The following LRRC4C variants were observed in gnomAD, a reference collection of about 807,000 sequenced individuals.
LRRC4C encodes the protein leucine rich repeat containing 4C, also known as leucine-rich repeat-containing protein 4C.
In LRRC4C, 5 loss-of-function variants were observed where a neutral mutation model predicts 33.6. The observed-to-expected ratio is 0.15, with a 90% CI of 0.08 to 0.31. The LOEUF is 0.31. Among genes scored for constraint, LRRC4C ranks in the 10% least tolerant of loss-of-function variants. The pLI, the probability that LRRC4C is intolerant of heterozygous loss-of-function variation, is 1.00. For synonymous variants in LRRC4C, 329 were observed against 302.0 expected, an observed-to-expected ratio of 1.09 and a Z score of -0.93; for missense variants, 560 against 796.7, an observed-to-expected ratio of 0.70 and a Z score of 3.58.
In LRRC4C at chr11:40,152,173, C is replaced by T. The variant is rs185464403; in HGVS notation, c.-95-11320G>A. Among the ~76,000 whole-genome samples the T allele has an allele frequency of 3.7e-4, 57 of 152,312 alleles. No homozygotes were observed. In the South Asian group the frequency reaches 4.8e-3, roughly 13 times the overall value. The stretch of plus-strand genomic sequence containing the variant: ...GGAAGGGGAGACCCTCCTCTCCAAA[C>T]GCACACCCCCGCTGGAGAAGCTGAA... On this transcript the variant is annotated intron_variant, in intron 5 of 6. Transcript: ENST00000528697.
chr11:40,462,596 G>T (rs564190775), intron 3 of LRRC4C, among the ~76,000 whole-genome samples: 9 of 151,978 alleles, frequency 5.9e-5, no homozygotes, highest in African/African-American at 2.2e-4. Flanking sequence ...CCTTATGAAG[G>T]GTGGTGAGAA....
intron 3 of LRRC4C, among the ~76,000 whole-genome samples, chr11:40,458,063 G>A (rs1160815748): frequency 1.3e-5 from 2 of 152,116 alleles, no homozygotes; most frequent in African/African-American, 4.8e-5. Flanking sequence ...ATATTTAAAT[G>A]GCAGAGAATG....
rs180921873 is a variant in LRRC4C, at chr11:40,444,571, C to T, written c.-269-124850G>A. 3.5e-4 allele frequency among the ~76,000 whole-genome samples: 53 copies of T among 151,876 alleles called. 2 individuals carry two copies. Among genetic ancestry groups the T allele is most frequent in the African/African-American group, 1.2e-3 (49 of 41,464 alleles). Reference sequence around the variant, plus strand: ...AACAAAATCATATTTAAAAAGAATGCCTCTATACAATCTTTTATTTGCCTA... The same window carrying T: ...AACAAAATCATATTTAAAAAGAATGTCTCTATACAATCTTTTATTTGCCTA... On this transcript the variant is annotated intron_variant, in intron 3 of 6. Transcript: ENST00000528697.
chr11:40,572,032 A>G (rs1407755969), intron 3 of LRRC4C, among the ~76,000 whole-genome samples: 7 of 152,280 alleles, frequency 4.6e-5, no homozygotes, highest in African/African-American at 1.7e-4. Context: ...TTCCTTCCTT[A>G]TAGTCCACCA....
chr11:40,624,687 C>A (rs1402053106), intron 3 of LRRC4C, among the ~76,000 whole-genome samples: 1 of 152,120 alleles, frequency 6.6e-6, no homozygotes, highest in Non-Finnish European at 1.5e-5. Flanking sequence ...TGTCTTACAA[C>A]AAGTTATGTA....
intron 3 of LRRC4C, among the ~76,000 whole-genome samples, chr11:40,338,370 T>C (rs1946721869): frequency 6.6e-6 from 1 of 152,222 alleles, no homozygotes; most frequent in Admixed American, 6.5e-5. Context: ...CTTTTATGCA[T>C]ATGACTCTCC....
intron 1 of LRRC4C, among the ~76,000 whole-genome samples, chr11:41,353,247 G>T (rs1433800414): frequency 6.6e-6 from 1 of 151,990 alleles, no homozygotes; most frequent in Non-Finnish European, 1.5e-5. Context: ...ACACCACTGT[G>T]CACACAAACT....
At chr11:41,110,520 A>G (rs1433256152) in intron 1 of LRRC4C, among the ~76,000 whole-genome samples, 1 of 152,124 alleles carries the variant, frequency 6.6e-6, no homozygotes, top group African/African-American at 2.4e-5. Context: ...CTAGATGTCA[A>G]GCTAAATGTT....
chr11:40,886,406 TACACACAC>T (rs10629266), intron 2 of LRRC4C, among the ~76,000 whole-genome samples: 3 of 145,450 alleles, frequency 2.1e-5, no homozygotes, highest in African/African-American at 5.0e-5. Context: ...TTTCAAATGC[TACACACAC>T]ACACACACAC....
intron 4 of LRRC4C, among the ~76,000 whole-genome samples, chr11:40,307,167 C>T (rs978892071): frequency 6.6e-6 from 1 of 152,024 alleles, no homozygotes; most frequent in Non-Finnish European, 1.5e-5. Context: ...CTCCTCACCC[C>T]CCATTATGAC....
chr11:40,626,793 C>A (rs1325909758), intron 3 of LRRC4C, among the ~76,000 whole-genome samples: 1 of 152,166 alleles, frequency 6.6e-6, no homozygotes, highest in Non-Finnish European at 1.5e-5. Flanking sequence ...AATTTTGGAT[C>A]ACTTTCCATC....
intron 2 of LRRC4C, among the ~76,000 whole-genome samples, chr11:40,806,139 C>T (rs989300853): frequency 2.0e-5 from 3 of 152,172 alleles, no homozygotes; most frequent in African/African-American, 4.8e-5. Flanking sequence ...TTATCTAATG[C>T]TGTGTGACAA....
chr11:40,736,114 TCAAG>T (rs2136848175), intron 2 of LRRC4C, among the ~76,000 whole-genome samples: 1 of 152,148 alleles, frequency 6.6e-6, no homozygotes, highest in African/African-American at 2.4e-5. Flanking sequence ...TCTGTACCCA[TCAAG>T]CAGTCATTTA....
At chr11:41,151,047 C>A (rs929857505) in intron 1 of LRRC4C, among the ~76,000 whole-genome samples, 1 of 151,972 alleles carries the variant, frequency 6.6e-6, no homozygotes, top group Non-Finnish European at 1.5e-5. Context: ...CACACACACA[C>A]AGCAAATACA....
intron 5 of LRRC4C, among the ~76,000 whole-genome samples, chr11:40,203,803 G>A (rs559432631): frequency 7.2e-5 from 11 of 152,306 alleles, no homozygotes. Context: ...CAATGTGGAA[G>A]CACTGACTGG....
chr11:40,868,172 G>A (rs554033693), intron 2 of LRRC4C, among the ~76,000 whole-genome samples: 6 of 152,204 alleles, frequency 3.9e-5, no homozygotes, highest in African/African-American at 1.4e-4. Flanking sequence ...GAATGGCTGG[G>A]GGATGCTTGT....
intron 3 of LRRC4C, among the ~76,000 whole-genome samples, chr11:40,370,803 G>C (rs940638891): frequency 1.3e-5 from 2 of 152,064 alleles, no homozygotes; most frequent in Admixed American, 1.3e-4. Context: ...ATGAAAAATT[G>C]TTTCCAAAAT....
At chr11:40,379,511 C>G (rs1363531469) in intron 3 of LRRC4C, among the ~76,000 whole-genome samples, 1 of 152,134 alleles carries the variant, frequency 6.6e-6, no homozygotes, top group Admixed American at 6.5e-5. Flanking sequence ...AGACAGAAAG[C>G]TGAAATTACT....
intron 3 of LRRC4C, among the ~76,000 whole-genome samples, chr11:40,613,120 G>T (rs1020806371): frequency 6.6e-6 from 1 of 151,772 alleles, no homozygotes; most frequent in Admixed American, 6.6e-5. Context: ...GGTTGGGATG[G>T]CTGTGCCTGT....
Sources: allele counts gnomAD v4.1 joint callset (sites outside exome capture counted in the v4.1 genomes callset), GRCh38; gene constraint gnomAD v4.1.1; transcripts MANE v1.5; gene names NCBI Gene and HGNC (gene_info 2026-07-23, HGNC 2026-07-21).